Variants in RHOU observed in about 807,000 individuals in gnomAD.
RHOU encodes ras homolog family member U.
In RHOU, 8 loss-of-function variants were observed where a neutral mutation model predicts 12.6. The ratio of observed to expected loss-of-function variants is 0.64; its 90% CI spans 0.37 to 1.15. The LOEUF (loss-of-function observed/expected upper bound fraction) is 1.15. Ranked by LOEUF, RHOU falls within the 50% of genes most tolerant of loss-of-function variation. The pLI is 0.01. For synonymous variants in RHOU, 161 were observed against 147.4 expected, an observed-to-expected ratio of 1.09 and a Z score of -0.67; for missense variants, 258 against 347.0, an observed-to-expected ratio of 0.74 and a Z score of 2.04.
rs144181419 is a variant in RHOU, at chr1:228,743,451, C to T, written c.488C>T (p.Ser163Leu). ...CCCATCATCCTAGTTGGAACGCAGT[C>T]GGATCTCAGAGAAGATGTCAAAGTC... ...KAPIILVGTQSDLREDVKVLI... is the reference protein window; with the variant it reads ...KAPIILVGTQLDLREDVKVLI... Residue 163 changes from serine (S) to leucine (L), a missense_variant, in exon 3 of 3, where the codon TCG (serine) becomes TTG (leucine). By Grantham distance (145) the Ser-to-Leu change is moderately radical. Coordinates refer to ENST00000366691, the MANE Select transcript of RHOU (RefSeq NM_021205.6). The surrounding 1 kb of genome is among the most constrained non-coding windows in gnomAD (Gnocchi z 5.1). 9.3e-6 allele frequency: 15 copies of T among 1,613,976 alleles called. No individual in the cohort carries two copies. The African/African-American group carries it at 9.3e-5, about 10-fold the overall frequency.
the RHOU span, among the ~76,000 whole-genome samples, chr1:228,694,799 T>C: frequency 6.6e-6 from 1 of 152,190 alleles, no homozygotes; most frequent in African/African-American, 2.4e-5. Context: ...GCATTTATCT[T>C]TTGATTTATA....
At chr1:228,694,661 T>C in the RHOU span, among the ~76,000 whole-genome samples, 12 of 152,240 alleles carry the variant, frequency 7.9e-5, no homozygotes, top group Non-Finnish European at 5.9e-5. Context: ...CTCATTCCTT[T>C]TTATGGCTGC....
At chr1:228,654,535 A>T in the RHOU span, among the ~76,000 whole-genome samples, 6 of 152,356 alleles carry the variant, frequency 3.9e-5, no homozygotes, top group South Asian at 1.2e-3. Flanking sequence ...TGGCTTCATG[A>T]TGTGGGCAGC....
the RHOU span, among the ~76,000 whole-genome samples, chr1:228,724,319 C>T: frequency 3.5e-3 from 535 of 152,082 alleles, no homozygotes; most frequent in Non-Finnish European, 5.7e-3. Flanking sequence ...TCTTGTGTTC[C>T]CCCCCAGATT....
the RHOU span, among the ~76,000 whole-genome samples, chr1:228,646,915 C>T: frequency 2.6e-5 from 4 of 151,404 alleles, no homozygotes; most frequent in Non-Finnish European, 5.9e-5. Flanking sequence ...TCGAGAGAGA[C>T]CGGAGAGGTG....
chr1:228,743,730 G>C lies in RHOU; in HGVS notation c.767G>C (p.Cys256Ser). Residue 256 changes from cysteine (C) to serine (S), a missense_variant, in exon 3 of 3, where the codon TGT becomes TCT. Transcript: ENST00000366691. The surrounding 1 kb of genome is among the most constrained non-coding windows in gnomAD (Gnocchi z 5.1). ...LSKSWWKKYCCFV is the reference protein window; with the variant it reads ...LSKSWWKKYCSFV ...AAGTCCTGGTGGAAGAAGTACTGCTGTTTCGTATGATGCTGGCAAGACACC... is the reference window on the plus strand; with the variant it reads ...AAGTCCTGGTGGAAGAAGTACTGCTCTTTCGTATGATGCTGGCAAGACACC... The C allele has an allele frequency of 6.2e-7, 1 of 1,611,188 alleles. No homozygotes were observed. Among genetic ancestry groups the C allele is most frequent in the Non-Finnish European group, 8.5e-7 (1 of 1,178,484 alleles).
chr1:228,661,625 T>C, the RHOU span, among the ~76,000 whole-genome samples: 2 of 152,174 alleles, frequency 1.3e-5, no homozygotes, highest in African/African-American at 4.8e-5. Context: ...TGGCTAGCCA[T>C]ATGTAGAAAG....
the RHOU span, among the ~76,000 whole-genome samples, chr1:228,683,103 G>A: frequency 6.6e-6 from 1 of 152,152 alleles, no homozygotes; most frequent in Admixed American, 6.5e-5. Context: ...AGAAGAAATT[G>A]CCACCCTTGG....
At chr1:228,684,884 A>G in the RHOU span, among the ~76,000 whole-genome samples, 1 of 152,198 alleles carries the variant, frequency 6.6e-6, no homozygotes, top group Non-Finnish European at 1.5e-5. Flanking sequence ...TGTGTAAGAA[A>G]GAATTCAGGA....
At chr1:228,703,764 T>C in the RHOU span, among the ~76,000 whole-genome samples, 20 of 152,214 alleles carry the variant, frequency 1.3e-4, no homozygotes, top group Non-Finnish European at 2.8e-4. Flanking sequence ...CTACTTTTTA[T>C]AAACACTGTA....
At chr1:228,676,898 C>A in the RHOU span, among the ~76,000 whole-genome samples, 5 of 152,196 alleles carry the variant, frequency 3.3e-5, no homozygotes, top group Admixed American at 3.3e-4. Context: ...ATTTTCACTT[C>A]TTTTGTGGAT....
At chr1:228,709,840 A>G in the RHOU span, among the ~76,000 whole-genome samples, 1 of 152,164 alleles carries the variant, frequency 6.6e-6, no homozygotes, top group Non-Finnish European at 1.5e-5. Context: ...AGAGACACAA[A>G]AAACCCTTCA....
chr1:228,716,624 A>C, the RHOU span, among the ~76,000 whole-genome samples: 1 of 152,158 alleles, frequency 6.6e-6, no homozygotes, highest in South Asian at 2.1e-4. Context: ...CCCAGCACTT[A>C]TTACAGTGGT....
the RHOU span, among the ~76,000 whole-genome samples, chr1:228,721,295 C>T: frequency 2.6e-4 from 39 of 152,140 alleles, no homozygotes; most frequent in African/African-American, 8.7e-4. Flanking sequence ...CAGATTCCAT[C>T]GCAAAAAATA....
chr1:228,648,858 CTCTT>C, the RHOU span, among the ~76,000 whole-genome samples: 122 of 150,514 alleles, frequency 8.1e-4, no homozygotes, highest in Middle Eastern at 3.5e-3. Context: ...CTTCCTCTCT[CTCTT>C]TCTTTCTTTC....
At chr1:228,687,149 C>T in the RHOU span, among the ~76,000 whole-genome samples, 1 of 152,314 alleles carries the variant, frequency 6.6e-6, no homozygotes, top group East Asian at 1.9e-4. Flanking sequence ...GTTTACTCCT[C>T]TGAAAGCACC....
chr1:228,701,108 T>G, the RHOU span, among the ~76,000 whole-genome samples: 2 of 152,100 alleles, frequency 1.3e-5, no homozygotes, highest in African/African-American at 4.8e-5. Context: ...TAAAATATAT[T>G]AAGTAGGCAT....
At chr1:228,715,150 T>G in the RHOU span, among the ~76,000 whole-genome samples, 1 of 152,098 alleles carries the variant, frequency 6.6e-6, no homozygotes, top group African/African-American at 2.4e-5. Context: ...TTTGTTGTGT[T>G]TTCTTTCTTT....
the RHOU span, among the ~76,000 whole-genome samples, chr1:228,692,668 C>G: frequency 6.6e-6 from 1 of 152,136 alleles, no homozygotes; most frequent in Non-Finnish European, 1.5e-5. Flanking sequence ...GAACTGGGCT[C>G]AAGCCATCCT....
Sources: gnomAD v4.1 joint callset for allele counts (sites outside exome capture counted in the v4.1 genomes callset) on GRCh38, gnomAD v4.1.1 for gene constraint, Gnocchi (gnomAD v3.1) non-coding constraint, MANE v1.5 for transcripts, NCBI Gene and HGNC (gene_info 2026-07-23, HGNC 2026-07-21) for gene names.